Variants in TCF4 observed in about 807,000 individuals in gnomAD.
TCF4 encodes transcription factor 4.
TCF4 carries 3 observed loss-of-function variants against 82.1 expected under a neutral mutation model. The ratio of observed to expected loss-of-function variants is 0.04; its 90% confidence interval spans 0.02 to 0.09. The LOEUF (loss-of-function observed/expected upper bound fraction) is 0.09, where lower values mean the gene tolerates loss of function less well. TCF4 is among the 10% of genes least tolerant of loss of function. The probability of loss-of-function intolerance (pLI) is 1.00; values close to 1 mark genes in which losing one functional copy is unlikely to be tolerated. For synonymous variants in TCF4, 276 were observed against 309.6 expected, an observed-to-expected ratio of 0.89 and a Z score of 1.14; for missense variants, 518 against 852.7, an observed-to-expected ratio of 0.61 and a Z score of 4.89.
At chr18:55,615,549 C>T (rs2097710958) in intron 2 of TCF4, among the ~76,000 whole-genome samples, 1 of 151,882 alleles carries the variant, frequency 6.6e-6, no homozygotes, top group African/African-American at 2.4e-5. Context: ...TTGGCTATAA[C>T]CTTAAATGCA....
intron 11 of TCF4, chr18:55,266,626 C>T (rs561510602): frequency 6.6e-6 from 1 of 151,796 alleles, no homozygotes; most frequent in Non-Finnish European, 1.5e-5. Flanking sequence ...TTCTACAATT[C>T]TCTTGAAAAT....
At chr18:55,613,332 G>A (rs2097708933) in intron 2 of TCF4, among the ~76,000 whole-genome samples, 2 of 151,784 alleles carry the variant, frequency 1.3e-5, no homozygotes, top group South Asian at 4.1e-4. Context: ...ATGAATAGTT[G>A]GGATTTTTTT....
chr18:55,620,640 G>A (rs2097716856), intron 2 of TCF4, among the ~76,000 whole-genome samples: 1 of 152,104 alleles, frequency 6.6e-6, no homozygotes, highest in African/African-American at 2.4e-5. Flanking sequence ...TTCTGCTTAG[G>A]TTTTATCTTC....
chr18:55,590,798 A>G (rs776597100), upstream of TCF4, among the ~76,000 whole-genome samples: 1 of 152,212 alleles, frequency 6.6e-6, no homozygotes. Flanking sequence ...CTTCACAAAT[A>G]CTGGCTACTT....
chr18:55,456,676 G>A (rs1440602167), intron 5 of TCF4, among the ~76,000 whole-genome samples: 2 of 151,948 alleles, frequency 1.3e-5, no homozygotes, highest in African/African-American at 2.4e-5. Context: ...ACCTGCAAAA[G>A]TTTAGTGCTT....
Position 55,227,939 on chromosome 18 carries a change from G to T in TCF4, c.*96C>A. 5.3e-6 allele frequency: 2 copies of T among 375,000 alleles called. No individual in the cohort carries two copies. Among genetic ancestry groups the T allele is most frequent in the Non-Finnish European group, 9.9e-6 (2 of 201,356 alleles). 23.2% of individuals were successfully genotyped at this position (375,000 alleles called of 1,614,324 possible). ...GACTTGTCTTATATTACAAAAATGG[G>T]GGTTAAGGAGAAGTGTTTATGTGGG... On this transcript the variant is annotated 3_prime_UTR_variant, in exon 20 of 20. Coordinates refer to ENST00000354452, the MANE Select transcript of TCF4 (RefSeq NM_001083962.2).
intron 8 of TCF4, chr18:55,322,399 AGAAAGGGGAGG>A (rs1260700088): frequency 3.6e-5 from 28 of 778,314 alleles, no homozygotes; most frequent in Non-Finnish European, 4.2e-5. Flanking sequence ...CTCGACTCGG[AGAAAGGGGAGG>A]GAAAGGGGAG....
At chr18:55,566,757 A>C (rs2097411355) in intron 3 of TCF4, among the ~76,000 whole-genome samples, 2 of 152,212 alleles carry the variant, frequency 1.3e-5, no homozygotes, top group Non-Finnish European at 2.9e-5. Flanking sequence ...AAAGAAGGTC[A>C]AGCACACATG....
intron 8 of TCF4, among the ~76,000 whole-genome samples, chr18:55,293,304 T>C (rs2065565880): frequency 6.6e-6 from 1 of 152,186 alleles, no homozygotes; most frequent in African/African-American, 2.4e-5. Context: ...AGTTGCTACA[T>C]GGAACATTTA....
At chr18:55,300,254 T>C (rs908918231) in intron 8 of TCF4, among the ~76,000 whole-genome samples, 1 of 152,186 alleles carries the variant, frequency 6.6e-6, no homozygotes, top group Non-Finnish European at 1.5e-5. Flanking sequence ...ACCATTTGTT[T>C]CTTAACTGTG....
intron 3 of TCF4, among the ~76,000 whole-genome samples, chr18:55,520,716 T>C (rs1421695825): frequency 6.6e-6 from 1 of 152,160 alleles, no homozygotes; most frequent in Non-Finnish European, 1.5e-5. Flanking sequence ...AATGTGATCA[T>C]ACAGAAAGGG....
In TCF4 at chr18:55,225,466, C is replaced by T. The variant is rs1201917466; in HGVS notation, c.*2569G>A. 6.6e-6 allele frequency: 1 copy of T among 152,488 alleles called. No individual in the cohort carries two copies. Among genetic ancestry groups the T allele is most frequent in the East Asian group, 1.9e-4 (1 of 5,194 alleles). 9.4% of individuals were successfully genotyped at this position (152,488 alleles called of 1,614,324 possible). A position where few individuals can be genotyped will look rare whatever the true frequency, so the allele number is the denominator to read the frequency against. On this transcript the variant is annotated 3_prime_UTR_variant, in exon 20 of 20. Coordinates refer to ENST00000354452, the MANE Select transcript of TCF4 (RefSeq NM_001083962.2). ...CAATGCAGGGAGTGTTTCCAGTTCC[C>T]TAAAGAGTAAACACCGTATTTTCTT...
At chr18:55,373,169 C>T (rs1410566599) in intron 6 of TCF4, among the ~76,000 whole-genome samples, 4 of 151,172 alleles carry the variant, frequency 2.6e-5, no homozygotes, top group African/African-American at 4.9e-5. Context: ...AAAAATAAAA[C>T]ACAGAGACTA....
rs745597159 is a variant in TCF4, at chr18:55,228,178, G to A, written c.*4+43C>T. 5.0e-6 allele frequency: 8 copies of A among 1,613,102 alleles called. No homozygotes were observed. In the African/African-American group the frequency reaches 1.1e-4, roughly 22 times the overall value. ...TTTTATGGCTGATACACTGATGAGA[G>A]TTTTGAATGATCGATCTCAGAAATG... On this transcript the variant is annotated intron_variant, in intron 19 of 19. Transcript: ENST00000354452.
chr18:55,565,687 A>C (rs2147409004), intron 3 of TCF4, among the ~76,000 whole-genome samples: 1 of 152,350 alleles, frequency 6.6e-6, no homozygotes, highest in Middle Eastern at 3.4e-3. Context: ...GATTTGTTAG[A>C]AAATATCTAT....
chr18:55,253,822 A>G (rs1568466448), intron 15 of TCF4, among the ~76,000 whole-genome samples: 1 of 152,160 alleles, frequency 6.6e-6, no homozygotes, highest in South Asian at 2.1e-4. Context: ...GCAATGTCAT[A>G]TTATAATATG....
At chr18:55,536,685 C>A (rs571269559) in intron 3 of TCF4, among the ~76,000 whole-genome samples, 5 of 152,226 alleles carry the variant, frequency 3.3e-5, no homozygotes, top group Non-Finnish European at 7.4e-5. Flanking sequence ...CCGATAGAAA[C>A]AATAAATACA....
At chr18:55,300,383 T>C (rs1446409677) in intron 8 of TCF4, among the ~76,000 whole-genome samples, 1 of 150,348 alleles carries the variant, frequency 6.7e-6, no homozygotes, top group East Asian at 2.0e-4. Flanking sequence ...CTGGCGGTCA[T>C]TTGGAAGGCA....
intron 15 of TCF4, among the ~76,000 whole-genome samples, chr18:55,237,008 A>G (rs1442584866): frequency 1.3e-5 from 2 of 152,222 alleles, no homozygotes. Context: ...CTTAAAATAT[A>G]TTCAGTTACT....
Sources: gnomAD v4.1 joint callset for allele counts (sites outside exome capture counted in the v4.1 genomes callset) on GRCh38, gnomAD v4.1.1 for gene constraint, MANE v1.5 for transcripts, NCBI Gene and HGNC (gene_info 2026-07-23, HGNC 2026-07-21) for gene names.